PAK3: variants seen among roughly 807,000 people sequenced by gnomAD.
The protein encoded by PAK3 is serine/threonine-protein kinase PAK 3.
In PAK3, 4 loss-of-function variants were observed where a neutral mutation model predicts 41.0. That is an observed-to-expected ratio of 0.10 (90% CI 0.05 to 0.22). The LOEUF (loss-of-function observed/expected upper bound fraction) is 0.22, where lower values mean the gene tolerates loss of function less well. PAK3 is among the 10% of genes least tolerant of loss of function. The probability of loss-of-function intolerance (pLI) is 1.00; values close to 1 mark genes in which losing one functional copy is unlikely to be tolerated. For synonymous variants in PAK3, 146 were observed against 139.6 expected (o/e 1.05, Z -0.32); for missense variants, 205 against 409.9 (o/e 0.50, Z 4.32).
chrX:111,095,510 C>T (rs2092968336), upstream of PAK3, among the ~76,000 whole-genome samples: 1 of 112,050 alleles, frequency 8.9e-6, no homozygotes, highest in African/African-American at 3.2e-5. Context: ...ATCCTAAAGA[C>T]AAGAGAAAGC....
In PAK3 at chrX:111,181,880, C is replaced by T. The variant is rs753353440; in HGVS notation, c.830+8799C>T. The stretch of plus-strand genomic sequence containing the variant: ...CTATTTTGGGCCACACAAGGTAGAA[C>T]GCTGCTATGAAGCACTAAATAGATG... On this transcript the variant is annotated intron_variant, in intron 11 of 17. Transcript: ENST00000372007. Among the ~76,000 whole-genome samples the T allele has an allele frequency of 7.2e-5, 8 of 110,768 alleles. No homozygotes were observed. In the East Asian group the frequency reaches 2.0e-3, roughly 28 times the overall value.
chrX:111,085,204 C>T (rs1316597422), intron 1 of PAK3, among the ~76,000 whole-genome samples: 1 of 111,391 alleles, frequency 9.0e-6, no homozygotes, highest in Non-Finnish European at 1.9e-5. Flanking sequence ...AATCAAAATT[C>T]CCAAGCCAGA....
intron 1 of PAK3, among the ~76,000 whole-genome samples, chrX:110,995,903 C>T (rs1056868650): frequency 4.5e-5 from 5 of 111,574 alleles, no homozygotes; most frequent in Non-Finnish European, 9.4e-5. Flanking sequence ...CCCAACTTCC[C>T]CATGTTTCTT....
intron 1 of PAK3, among the ~76,000 whole-genome samples, chrX:111,016,707 A>C (rs1048275660): frequency 1.2e-4 from 10 of 85,658 alleles, no homozygotes; most frequent in Non-Finnish European, 2.0e-4. Flanking sequence ...CATATACTAC[A>C]TCAGTGCTAA....
At chrX:111,067,006 T>C (rs1291238454) in intron 1 of PAK3, among the ~76,000 whole-genome samples, 4 of 112,195 alleles carry the variant, frequency 3.6e-5, no homozygotes, top group Non-Finnish European at 7.5e-5. Flanking sequence ...ATTTTTGTAG[T>C]CTGATATTTC....
chrX:111,046,699 A>C (rs935019687), intron 1 of PAK3, among the ~76,000 whole-genome samples: 1 of 111,883 alleles, frequency 8.9e-6, no homozygotes, highest in Non-Finnish European at 1.9e-5. Context: ...GTACCTGTTC[A>C]TGGGGTTTTT....
In PAK3 at chrX:111,222,764, T is replaced by A. The variant is rs987229274; in HGVS notation, c.*2317T>A. ...CCCTTACATGTTGAGAAGGCCTTTT[T>A]TTTGTTGTTATTTTGGAGACCTTGG... On this transcript the variant is annotated 3_prime_UTR_variant, in exon 18 of 18. Transcript: ENST00000372007. The A allele has an allele frequency of 1.8e-5, 2 of 110,691 alleles. No individual in the cohort carries two copies. The highest frequency in any genetic ancestry group is 3.8e-5 in the Non-Finnish European group (2 of 52,873). 9.1% of individuals were successfully genotyped at this position (110,691 alleles called of 1,213,427 possible). A position where few individuals can be genotyped will look rare whatever the true frequency, so the allele number is the denominator to read the frequency against.
At chrX:111,084,405 A>T (rs5985583) in intron 1 of PAK3, among the ~76,000 whole-genome samples, 1 of 111,685 alleles carries the variant, frequency 9.0e-6, no homozygotes, top group East Asian at 2.8e-4. Context: ...TCTGTGCTTT[A>T]TAAGGAAAGA....
chrX:111,010,155 C>T (rs62597807), intron 1 of PAK3, among the ~76,000 whole-genome samples: 1,260 of 111,943 alleles, frequency 0.011, 9 homozygotes, highest in Non-Finnish European at 0.015. Context: ...TGCCTTACCT[C>T]GCTCAGATTT....
intron 1 of PAK3, among the ~76,000 whole-genome samples, chrX:110,959,797 C>T (rs767328638): frequency 2.3e-4 from 26 of 111,670 alleles, no homozygotes; most frequent in Non-Finnish European, 3.6e-4. Flanking sequence ...TTCCCCAGAA[C>T]TATTTTTAGG....
intron 1 of PAK3, among the ~76,000 whole-genome samples, chrX:111,071,140 G>T (rs1197506434): frequency 3.6e-5 from 4 of 111,837 alleles, no homozygotes; most frequent in Non-Finnish European, 7.5e-5. Context: ...TTGGACTCTA[G>T]AATTTGTGTA....
intron 1 of PAK3, among the ~76,000 whole-genome samples, chrX:110,947,711 T>C (rs976006822): frequency 8.9e-6 from 1 of 112,067 alleles, no homozygotes; most frequent in African/African-American, 3.2e-5. Context: ...CCATAGAGCA[T>C]GGTGTTCCAA....
At chrX:110,970,602 G>A (rs542804333) in intron 1 of PAK3, among the ~76,000 whole-genome samples, 1 of 110,908 alleles carries the variant, frequency 9.0e-6, no homozygotes, top group African/African-American at 3.3e-5. Context: ...TGCTGTGGGT[G>A]GGGGGAAAGA....
At chrX:111,073,534 C>A (rs1223740744) in intron 1 of PAK3, among the ~76,000 whole-genome samples, 2 of 111,416 alleles carry the variant, frequency 1.8e-5, no homozygotes. Flanking sequence ...CACATTGCAA[C>A]TGATGACTAA....
rs898779582 is a variant in PAK3 at position 111,037,913 on chromosome X, A to G, written c.-27-85164A>G. 9.9e-5 allele frequency among the ~76,000 whole-genome samples: 11 copies of G among 111,510 alleles called. No homozygotes were observed. In the East Asian group the frequency reaches 2.8e-3, roughly 28 times the overall value. On this transcript the variant is annotated intron_variant, in intron 1 of 14. Transcript: ENST00000425146. Reference sequence around the variant, plus strand: ...GTTCCCCAGGTTTCTTGTGAATATTATGGAGAGGCTTGCAACATAGTGATT... The same window carrying G: ...GTTCCCCAGGTTTCTTGTGAATATTGTGGAGAGGCTTGCAACATAGTGATT...
chrX:110,990,327 T>A (rs1368271465), intron 1 of PAK3, among the ~76,000 whole-genome samples: 1 of 112,324 alleles, frequency 8.9e-6, no homozygotes, highest in African/African-American at 3.2e-5. Flanking sequence ...GAGGGTATAG[T>A]ATCATTAAAT....
intron 1 of PAK3, among the ~76,000 whole-genome samples, 191 bp from the exon 2 acceptor site, chrX:111,097,199 T>C (rs1373076865): frequency 3.8e-5 from 4 of 105,234 alleles, no homozygotes; most frequent in African/African-American, 1.4e-4. Context: ...GTGAACTGGC[T>C]CTGGCAAGAT....
intron 17 of PAK3, chrX:111,217,013 G>A: frequency 1.3e-6 from 1 of 751,880 alleles, no homozygotes; most frequent in Non-Finnish European, 1.6e-6. Context: ...TGCTTGCCTG[G>A]GTGAGTACCA....
intron 7 of PAK3, 67 bp from the exon 8 acceptor site, chrX:111,152,343 C>A: frequency 1.4e-6 from 1 of 719,624 alleles, no homozygotes; most frequent in South Asian, 2.3e-5. Flanking sequence ...TTTTATTTTT[C>A]TGGTGTGGTC....
Sources: gnomAD v4.1 joint callset for allele counts (sites outside exome capture counted in the v4.1 genomes callset) on GRCh38, gnomAD v4.1.1 for gene constraint, MANE v1.5 for transcripts, NCBI Gene and HGNC (gene_info 2026-07-23, HGNC 2026-07-21) for gene names.